Variants in MDGA2 observed in about 807,000 individuals in gnomAD.
MDGA2 encodes the protein MAM domain-containing glycosylphosphatidylinositol anchor protein 2.
Under a neutral mutation model 117.8 loss-of-function variants are expected in MDGA2, and 40 were observed. That is an observed-to-expected ratio of 0.34 (90% CI 0.26 to 0.44). MDGA2 has a LOEUF of 0.44. MDGA2 is among the 20% of genes least tolerant of loss of function. The pLI is 1.00. For missense variants in MDGA2, 1,123 were observed against 1,250.6 expected (o/e 0.90, Z 1.54); for synonymous variants, 452 against 439.0 (o/e 1.03, Z -0.37).
chr14:47,284,135 T>C (rs1291475624), intron 2 of MDGA2, among the ~76,000 whole-genome samples: 3 of 152,182 alleles, frequency 2.0e-5, no homozygotes, highest in Non-Finnish European at 4.4e-5. Context: ...ATCAAAATTT[T>C]GTTTTTCTAA....
intron 1 of MDGA2, among the ~76,000 whole-genome samples, chr14:47,533,858 CATTA>C (rs1480867383): frequency 6.6e-6 from 1 of 152,068 alleles, no homozygotes; most frequent in Non-Finnish European, 1.5e-5. Context: ...TGTTAAATAG[CATTA>C]ATTATTATAT....
chr14:47,549,581 C>G (rs1895540470), intron 1 of MDGA2, among the ~76,000 whole-genome samples: 1 of 152,048 alleles, frequency 6.6e-6, no homozygotes, highest in Non-Finnish European at 1.5e-5. Flanking sequence ...CTATTATGAA[C>G]AAAATTAAGT....
At chr14:47,257,857 T>A (rs1887673890) in intron 2 of MDGA2, among the ~76,000 whole-genome samples, 1 of 152,168 alleles carries the variant, frequency 6.6e-6, no homozygotes, top group African/African-American at 2.4e-5. Context: ...ATATTCCTCC[T>A]AGGTGACTTT....
chr14:47,132,984 G>A (rs1403954953), intron 4 of MDGA2, among the ~76,000 whole-genome samples: 1 of 151,658 alleles, frequency 6.6e-6, no homozygotes, highest in Non-Finnish European at 1.5e-5. Context: ...TAGGCACACA[G>A]TTTTGCAAAT....
At chr14:47,466,467 A>G (rs1893606325) in intron 1 of MDGA2, among the ~76,000 whole-genome samples, 1 of 152,156 alleles carries the variant, frequency 6.6e-6, no homozygotes, top group African/African-American at 2.4e-5. Context: ...TGAGAGAGAC[A>G]GGGAGATAAC....
rs371384831 is a variant in MDGA2 at position 47,264,695 on chromosome 14, T to C, written c.420+36716A>G. 4.6e-5 allele frequency among the ~76,000 whole-genome samples: 7 copies of C among 152,296 alleles called. No homozygotes were observed. In the South Asian group the frequency reaches 1.5e-3, roughly 32 times the overall value. Reference sequence around the variant, plus strand: ...TTTTATTTTTATTTTATTTTATTTTTATTGTGGAATACATATGCAGAATGT... The same window carrying C: ...TTTTATTTTTATTTTATTTTATTTTCATTGTGGAATACATATGCAGAATGT... On this transcript the variant is annotated intron_variant, in intron 2 of 16. Coordinates refer to ENST00000399232, the MANE Select transcript of MDGA2 (RefSeq NM_001113498.3).
intron 2 of MDGA2, among the ~76,000 whole-genome samples, chr14:47,293,152 C>T (rs1259202497): frequency 6.6e-6 from 1 of 152,130 alleles, no homozygotes; most frequent in Non-Finnish European, 1.5e-5. Context: ...ACAGTGAATG[C>T]CTTGGGAACC....
At chr14:47,200,530 T>TTTTA in intron 3 of MDGA2, 1 of 611,704 alleles carries the variant, frequency 1.6e-6, no homozygotes. Context: ...TTTCTTTTTC[T>TTTTA]TTTCTTTTTT....
At chr14:47,504,988 T>C (rs1299554650) in intron 1 of MDGA2, among the ~76,000 whole-genome samples, 1 of 152,172 alleles carries the variant, frequency 6.6e-6, no homozygotes, top group Non-Finnish European at 1.5e-5. Flanking sequence ...ATGTGCTGTA[T>C]ACACAATGGA....
intron 11 of MDGA2, among the ~76,000 whole-genome samples, chr14:46,879,353 G>C (rs535334271): frequency 1.3e-5 from 2 of 152,164 alleles, no homozygotes; most frequent in East Asian, 3.9e-4. Context: ...AAATAAGTTT[G>C]TGTTGTTTAA....
intron 1 of MDGA2, among the ~76,000 whole-genome samples, chr14:47,354,506 T>C (rs909723886): frequency 6.6e-6 from 1 of 152,174 alleles, no homozygotes; most frequent in African/African-American, 2.4e-5. Flanking sequence ...TGTCCATTTT[T>C]ATACATGTGA....
At chr14:46,861,248 C>T (rs1881495107) in intron 14 of MDGA2, among the ~76,000 whole-genome samples, 1 of 151,806 alleles carries the variant, frequency 6.6e-6, no homozygotes, top group African/African-American at 2.4e-5. Flanking sequence ...ATATGTCCTT[C>T]AGAATTCATG....
chr14:47,121,076 G>C (rs1881625376), intron 5 of MDGA2, among the ~76,000 whole-genome samples: 2 of 152,044 alleles, frequency 1.3e-5, no homozygotes, highest in Admixed American at 6.6e-5. Flanking sequence ...CAGAATATCA[G>C]GGGGGAAAAA....
chr14:47,390,434 C>T (rs1891867960), intron 1 of MDGA2, among the ~76,000 whole-genome samples: 1 of 152,094 alleles, frequency 6.6e-6, no homozygotes, highest in African/African-American at 2.4e-5. Flanking sequence ...AACAACCTTC[C>T]ATCGTAAAGA....
At chr14:47,486,087 G>T (rs191529452) in intron 1 of MDGA2, among the ~76,000 whole-genome samples, 3 of 152,260 alleles carry the variant, frequency 2.0e-5, no homozygotes, top group East Asian at 3.9e-4. Context: ...TGCATCATGC[G>T]CCTGGAAAAG....
intron 6 of MDGA2, among the ~76,000 whole-genome samples, chr14:47,078,758 T>C (rs1025380197): frequency 8.5e-5 from 13 of 152,278 alleles, no homozygotes; most frequent in South Asian, 4.1e-4. Flanking sequence ...CTATAACTAT[T>C]ACTGAAAAAT....
intron 8 of MDGA2, among the ~76,000 whole-genome samples, chr14:47,005,949 A>G (rs1400385195): frequency 6.6e-6 from 1 of 151,618 alleles, no homozygotes; most frequent in Non-Finnish European, 1.5e-5. Flanking sequence ...GCAATTATAA[A>G]TGGATGCTGT....
intron 3 of MDGA2, among the ~76,000 whole-genome samples, chr14:47,176,730 C>G (rs1239451142): frequency 6.6e-6 from 1 of 152,148 alleles, no homozygotes; most frequent in Non-Finnish European, 1.5e-5. Context: ...CCATTCAGGA[C>G]ACAGGCATGG....
rs181264845 is a variant in MDGA2 at position 47,241,856 on chromosome 14, C to G, written c.421-23661G>C. On this transcript the variant is annotated intron_variant, in intron 2 of 16. Transcript: ENST00000399232. The stretch of plus-strand genomic sequence containing the variant: ...TGCATAGGGGAACAAAACAAAATAG[C>G]TAAATTGAAATCCCTTCTTTACTAT... Among the ~76,000 whole-genome samples the G allele has an allele frequency of 1.8e-4, 27 of 151,944 alleles. 1 individual carries two copies. The highest frequency in any genetic ancestry group is 1.2e-3 in the Admixed American group (19 of 15,262).
Sources: allele counts gnomAD v4.1 joint callset (sites outside exome capture counted in the v4.1 genomes callset), GRCh38; gene constraint gnomAD v4.1.1; transcripts MANE v1.5; gene names NCBI Gene and HGNC (gene_info 2026-07-23, HGNC 2026-07-21).